Variants in DYNLL2 observed in about 807,000 individuals in gnomAD.
The protein encoded by DYNLL2 is dynein light chain LC8-type 2.
Under a neutral mutation model 9.7 loss-of-function variants are expected in DYNLL2, and 1 was observed. The ratio of observed to expected loss-of-function variants is 0.10; its 90% CI spans 0.04 to 0.49. The LOEUF (loss-of-function observed/expected upper bound fraction) is 0.49, where lower values mean the gene tolerates loss of function less well. DYNLL2 is among the 20% of genes least tolerant of loss of function. DYNLL2 has a pLI of 0.95. For synonymous variants in DYNLL2, 35 were observed against 40.5 expected (o/e 0.86, Z 0.52); for missense variants, 37 against 115.2 (o/e 0.32, Z 3.11).
chr17:58,087,291 TC>T, intron 2 of DYNLL2, 69 bp downstream of exon 2: 1 of 1,591,490 alleles, frequency 6.3e-7, no homozygotes, highest in South Asian at 1.1e-5. Flanking sequence ...TCCAGGGAGA[TC>T]TGGAGCTGGG....
rs1411723876 is a variant in DYNLL2, at chr17:58,090,738, T to C, written c.*1459T>C. ...GGGGAAATCTTGTCTGTTAATGAAA[T>C]AGGAGTGGGGTGGGGTTTGGGGTGG... On this transcript the variant is annotated 3_prime_UTR_variant, in exon 3 of 3. Coordinates refer to ENST00000579991, the MANE Select transcript of DYNLL2 (RefSeq NM_080677.3). The C allele has an allele frequency of 7.6e-6, 1 of 131,410 alleles. No homozygotes were observed. The highest frequency in any genetic ancestry group is 3.0e-5 in the African/African-American group (1 of 33,362). 8.1% of individuals were successfully genotyped at this position (131,410 alleles called of 1,614,324 possible).
At chr17:58,086,416 C>G (rs184400210) in intron 1 of DYNLL2, among the ~76,000 whole-genome samples, 30 of 152,316 alleles carry the variant, frequency 2.0e-4, no homozygotes, top group Non-Finnish European at 3.8e-4. Flanking sequence ...TGTAGACTGT[C>G]CTTGTGTGCA....
chr17:58,090,093 C>T lies in DYNLL2; in HGVS notation c.*814C>T. The T allele has an allele frequency of 2.5e-6, 1 of 394,154 alleles. No homozygotes were observed. The highest frequency in any genetic ancestry group is 6.4e-4 in the Middle Eastern group (1 of 1,566). The allele number at this position is 394,154 out of a possible 1,614,324, so 24.4% of individuals were successfully genotyped here. On this transcript the variant is annotated 3_prime_UTR_variant, in exon 3 of 3. Transcript: ENST00000579991. Reference sequence around the variant, plus strand: ...CTGCTTAGCCCTCAGTTTCCTCATTCCTCTGGAGTTCTCTTAGAGCAGCCC... The same window carrying T: ...CTGCTTAGCCCTCAGTTTCCTCATTTCTCTGGAGTTCTCTTAGAGCAGCCC...
chr17:58,088,673 G>T (rs2075769331), intron 2 of DYNLL2, among the ~76,000 whole-genome samples: 1 of 152,166 alleles, frequency 6.6e-6, no homozygotes, highest in Non-Finnish European at 1.5e-5. Context: ...CCGATGTTTG[G>T]TCTTGTTTTG....
chr17:58,086,337 G>C (rs1032009641), intron 1 of DYNLL2, among the ~76,000 whole-genome samples: 1 of 152,230 alleles, frequency 6.6e-6, no homozygotes, highest in Non-Finnish European at 1.5e-5. Context: ...TGCTATCGTA[G>C]CATGTTCCTG....
At position 58,085,551 on chromosome 17, in the gene DYNLL2, G is replaced by A. The variant is rs1374652553; in HGVS notation, c.-9-1531G>A. On this transcript the variant is annotated intron_variant, in intron 1 of 2. Coordinates refer to ENST00000579991, the MANE Select transcript of DYNLL2 (RefSeq NM_080677.3). The stretch of plus-strand genomic sequence containing the variant: ...GGGGGAGATAGTTACTGCTCCATGT[G>A]TTGGGACTGTGGTCAAGGACAAAGG... Among the ~76,000 whole-genome samples the A allele has an allele frequency of 2.0e-5, 3 of 152,176 alleles. No homozygotes were observed. The East Asian group carries it at 5.8e-4, about 29-fold the overall frequency.
At chr17:58,089,100 C>A in intron 2 of DYNLL2, 42 bp from the exon 3 acceptor site, 1 of 1,610,974 alleles carries the variant, frequency 6.2e-7, no homozygotes, top group Non-Finnish European at 8.5e-7. Context: ...CCTTCTCCAG[C>A]TACCCTAATT....
intron 2 of DYNLL2, among the ~76,000 whole-genome samples, chr17:58,087,685 C>T (rs2075765282): frequency 6.6e-6 from 1 of 152,164 alleles, no homozygotes; most frequent in African/African-American, 2.4e-5. Flanking sequence ...TTAAAAAGGA[C>T]TCAGGTACTA....
rs1303078286 is a variant in DYNLL2 at position 58,093,291 on chromosome 17, A to T, written c.*4012A>T. 6.6e-6 allele frequency: 1 copy of T among 152,202 alleles called. No individual in the cohort carries two copies. Among genetic ancestry groups the T allele is most frequent in the Non-Finnish European group, 1.5e-5 (1 of 68,042 alleles). 9.4% of individuals were successfully genotyped at this position (152,202 alleles called of 1,614,324 possible). A position where few individuals can be genotyped will look rare whatever the true frequency, so the allele number is the denominator to read the frequency against. On this transcript the variant is annotated 3_prime_UTR_variant, in exon 3 of 3. Transcript: ENST00000579991. ...TGAAAGGCGTGAGAGGGTCACTCCC[A>T]GGTGTATTCAAGCAAGAGTGCCTGA...
At chr17:58,088,269 C>G (rs559010839) in intron 2 of DYNLL2, among the ~76,000 whole-genome samples, 16 of 152,044 alleles carry the variant, frequency 1.1e-4, no homozygotes, top group Non-Finnish European at 2.1e-4. Context: ...AGTCTTGAGC[C>G]GAGATTGAAG....
Position 58,089,896 on chromosome 17 carries a change from T to C in DYNLL2, c.*617T>C, listed in dbSNP as rs1456432753. On this transcript the variant is annotated 3_prime_UTR_variant, in exon 3 of 3. Coordinates refer to ENST00000579991, the MANE Select transcript of DYNLL2 (RefSeq NM_080677.3). ...CTGAGATGTGTTTGTCTGTGGTGTG[T>C]GGGAGTGGGGAGCAGATTTGTCTTG... is the stretch of plus-strand genomic sequence containing the variant. The C allele has an allele frequency of 2.8e-5, 11 of 398,728 alleles. No individual in the cohort carries two copies. In the Admixed American group the frequency reaches 3.5e-4, roughly 13 times the overall value. The allele number at this position is 398,728 out of a possible 1,614,324, so 24.7% of individuals were successfully genotyped here.
chr17:58,086,794 A>G (rs1332262642), intron 1 of DYNLL2, among the ~76,000 whole-genome samples: 3 of 152,226 alleles, frequency 2.0e-5, no homozygotes, highest in Non-Finnish European at 4.4e-5. Context: ...AATCTTGACT[A>G]TTGGTGCTCT....
chr17:58,086,956 C>T lies in DYNLL2; in HGVS notation c.-9-126C>T, dbSNP rs1331304215. Reference sequence around the variant, plus strand: ...AGGGGCTCCCTCTCCTAATGCTTCACATCCGTGTTTTCTGTTGCCCTCACC... The same window carrying T: ...AGGGGCTCCCTCTCCTAATGCTTCATATCCGTGTTTTCTGTTGCCCTCACC... On this transcript the variant is annotated intron_variant, in intron 1 of 2. Transcript: ENST00000579991. 4.0e-5 allele frequency: 46 copies of T among 1,156,948 alleles called. No homozygotes were observed. The East Asian group carries it at 9.3e-4, about 23-fold the overall frequency. 71.7% of individuals were successfully genotyped at this position (1,156,948 alleles called of 1,614,324 possible). A position where few individuals can be genotyped will look rare whatever the true frequency, so the allele number is the denominator to read the frequency against.
Position 58,083,424 on chromosome 17 carries a change from C to T in DYNLL2, c.-269C>T, listed in dbSNP as rs2075741558. 8.6e-6 allele frequency: 1 copy of T among 116,144 alleles called. No homozygotes were observed. The highest frequency in any genetic ancestry group is 2.9e-4 in the South Asian group (1 of 3,494). The allele number at this position is 116,144 out of a possible 1,614,324, so 7.2% of individuals were successfully genotyped here. A position where few individuals can be genotyped will look rare whatever the true frequency, so the allele number is the denominator to read the frequency against. ...GCCGCGCGTCGGCCGCGCTCAGCGG[C>T]AGAGCGGAGCGGAGCTGTGAGGCGC... On this transcript the variant is annotated 5_prime_UTR_variant, in exon 1 of 3. Transcript: ENST00000579991.
intron 1 of DYNLL2, 72 bp downstream of exon 1, chr17:58,083,755 C>G (rs2075745677): frequency 6.6e-6 from 1 of 152,108 alleles, no homozygotes; most frequent in Non-Finnish European, 1.5e-5. Context: ...CACGACCCGG[C>G]CCTCGCCGCG....
chr17:58,085,272 T>C (rs1428535581), intron 1 of DYNLL2, among the ~76,000 whole-genome samples: 3 of 152,198 alleles, frequency 2.0e-5, no homozygotes, highest in Non-Finnish European at 4.4e-5. Context: ...GCTGCCTGGC[T>C]GGCAGCTGGC....
Position 58,093,077 on chromosome 17 carries a change from G to C in DYNLL2, c.*3798G>C, listed in dbSNP as rs1167106909. 1 of 152,206 alleles carries C rather than the reference G, an allele frequency of 6.6e-6. No individual in the cohort carries two copies. The highest frequency in any genetic ancestry group is 6.5e-5 in the Admixed American group (1 of 15,280). The allele number at this position is 152,206 out of a possible 1,614,324, so 9.4% of individuals were successfully genotyped here. On this transcript the variant is annotated 3_prime_UTR_variant, in exon 3 of 3. Coordinates refer to ENST00000579991, the MANE Select transcript of DYNLL2 (RefSeq NM_080677.3). ...CTGTGAGAGCATTTTTCTCTTAACT[G>C]CTTATCTTCAAGTAAACAGAACAGT... is the stretch of plus-strand genomic sequence containing the variant.
Position 58,084,356 on chromosome 17 carries a change from A to T in DYNLL2, c.-10+673A>T, listed in dbSNP as rs2075750205. Among the ~76,000 whole-genome samples the T allele has an allele frequency of 2.6e-5, 4 of 152,102 alleles. No homozygotes were observed. The South Asian group carries it at 8.3e-4, about 31-fold the overall frequency. ...GCGGGTGGGGATGGTGGTCCGTGTC[A>T]TTCGGAGATTTAGCCTTTTTTTTTG... On this transcript the variant is annotated intron_variant, in intron 1 of 2. Transcript: ENST00000579991.
At position 58,089,715 on chromosome 17, in the gene DYNLL2, A is replaced by C. The variant is rs2075773218; in HGVS notation, c.*436A>C. On this transcript the variant is annotated 3_prime_UTR_variant, in exon 3 of 3. Coordinates refer to ENST00000579991, the MANE Select transcript of DYNLL2 (RefSeq NM_080677.3). ...CGGTGGATGCTGCTTTGGGAGGGCC[A>C]GGGAGGCTGCAGGGGGACAGTGTTG... 2 of 407,314 alleles carry C rather than the reference A, an allele frequency of 4.9e-6. No individual in the cohort carries two copies. Among genetic ancestry groups the C allele is most frequent in the South Asian group, 1.2e-4 (1 of 8,144 alleles). 25.2% of individuals were successfully genotyped at this position (407,314 alleles called of 1,614,324 possible).
Sources: gnomAD v4.1 joint callset for allele counts (sites outside exome capture counted in the v4.1 genomes callset) on GRCh38, gnomAD v4.1.1 for gene constraint, MANE v1.5 for transcripts, NCBI Gene and HGNC (gene_info 2026-07-23, HGNC 2026-07-21) for gene names.